ECPAS: variants seen among roughly 807,000 people sequenced by gnomAD.
ECPAS encodes Ecm29 proteasome adaptor and scaffold, also known as proteasome adapter and scaffold protein ECM29.
ECPAS carries 70 observed loss-of-function variants against 255.1 expected under a neutral mutation model. The observed-to-expected ratio is 0.27, with a 90% CI of 0.23 to 0.33. The LOEUF (loss-of-function observed/expected upper bound fraction) is 0.33. ECPAS is among the 10% of genes least tolerant of loss of function. The pLI is 1.00. For missense variants in ECPAS, 1,817 were observed against 2,206.4 expected (o/e 0.82, Z 3.54); for synonymous variants, 784 against 775.0 (o/e 1.01, Z -0.19).
At chr9:111,371,856 T>C (rs2098127717) in intron 42 of ECPAS, 27 bp from the exon 43 acceptor site, 2 of 1,567,668 alleles carry the variant, frequency 1.3e-6, no homozygotes, top group Non-Finnish European at 1.7e-6. Flanking sequence ...AAAACAACTT[T>C]TAAGTGACAA....
At chr9:111,385,465 AAT>A in intron 32 of ECPAS, 23 bp from the exon 33 acceptor site, 1 of 1,291,710 alleles carries the variant, frequency 7.7e-7, no homozygotes, top group Non-Finnish European at 1.1e-6. Flanking sequence ...ATTTCATTTC[AAT>A]ATATGATGAA....
rs753636754 is a variant in ECPAS at position 111,420,089 on chromosome 9, T to G, written c.1487A>C (p.Lys496Thr). 1.9e-6 allele frequency: 3 copies of G among 1,612,760 alleles called. No homozygotes were observed. The African/African-American group carries it at 4.0e-5, about 22-fold the overall frequency. The change falls in exon 16 of 50, where the codon AAA becomes ACA. Residue 496 changes from lysine (K) to threonine (T), a missense_variant. Physicochemically the swap from Lys to Thr is moderately conservative, Grantham distance 78 (BLOSUM62 -1). Around this residue, in one of 4 missense-constraint regions of ECPAS, gnomAD observed 573 missense variants for 716.2 expected, o/e 0.80. Transcript: ENST00000684092. ...PEVQVRQVAV[K>T]FASTVFPSDH... The stretch of plus-strand genomic sequence containing the variant: ...TGAGGGAAACACCGTACTGGCAAAT[T>G]TCACAGCCACTTGTCGAACTTGAAC...
At chr9:111,398,011 G>T (rs753932159) in intron 24 of ECPAS, among the ~76,000 whole-genome samples, 3 of 152,176 alleles carry the variant, frequency 2.0e-5, no homozygotes, top group East Asian at 1.9e-4. Context: ...ACCTAGACCT[G>T]CATTTTCCAC....
At chr9:111,378,021 C>T (rs905750585) in intron 36 of ECPAS, among the ~76,000 whole-genome samples, 1 of 152,066 alleles carries the variant, frequency 6.6e-6, no homozygotes, top group African/African-American at 2.4e-5. Context: ...TGGCGCTCAC[C>T]TGTAATCTCA....
At chr9:111,418,059 G>A in intron 16 of ECPAS, 53 bp from the exon 17 acceptor site, 2 of 1,492,562 alleles carry the variant, frequency 1.3e-6, no homozygotes, top group Non-Finnish European at 1.8e-6. Context: ...AATGGGAAAT[G>A]ATCATTTGAA....
intron 1 of ECPAS, among the ~76,000 whole-genome samples, chr9:111,483,168 C>T (rs1265296194): frequency 6.6e-6 from 1 of 152,144 alleles, no homozygotes; most frequent in African/African-American, 2.4e-5. Flanking sequence ...TGCCCGTCAC[C>T]CCGGGGCTCC....
At chr9:111,427,497 T>C (rs1156352538) in intron 10 of ECPAS, among the ~76,000 whole-genome samples, 2 of 152,150 alleles carry the variant, frequency 1.3e-5, no homozygotes, top group Non-Finnish European at 2.9e-5. Context: ...GAAGCCAATA[T>C]AGCATAGGTT....
intron 30 of ECPAS, 85 bp from the exon 31 acceptor site, chr9:111,389,808 C>A: frequency 7.3e-7 from 1 of 1,368,784 alleles, no homozygotes; most frequent in South Asian, 1.4e-5. Context: ...CAAACTTATG[C>A]CTAAATACAG....
Position 111,361,669 on chromosome 9 carries a change from C to T in ECPAS, c.*361G>A, listed in dbSNP as rs979148519. 6.3e-6 allele frequency: 1 copy of T among 158,452 alleles called. No homozygotes were observed. Among genetic ancestry groups the T allele is most frequent in the East Asian group, 1.8e-4 (1 of 5,490 alleles). The allele number at this position is 158,452 out of a possible 1,614,324, so 9.8% of individuals were successfully genotyped here. On this transcript the variant is annotated 3_prime_UTR_variant, in exon 50 of 50. Transcript: ENST00000684092. Reference sequence around the variant, plus strand: ...AAATAAGTTATTTATAGGGCCCCTTCCTGAAATAACTAATTTGAATGCAGT... The same window carrying T: ...AAATAAGTTATTTATAGGGCCCCTTTCTGAAATAACTAATTTGAATGCAGT...
At chr9:111,409,848 G>A (rs1564525170) in intron 23 of ECPAS, among the ~76,000 whole-genome samples, 193 bp downstream of exon 23, 1 of 152,070 alleles carries the variant, frequency 6.6e-6, no homozygotes, top group Non-Finnish European at 1.5e-5. Flanking sequence ...CAAAAGATGT[G>A]CACACTAAGA....
chr9:111,362,187 A>G lies in ECPAS; in HGVS notation c.5381-18T>C. ...TTTAGATTCTGCATGAAAAAAAAAA[A>G]ACAAAAACAAAAAAAACAAAAAACA... On this transcript the variant is annotated intron_variant, in intron 49 of 49. Coordinates refer to ENST00000684092, the MANE Select transcript of ECPAS (RefSeq NM_001364929.1). The G allele has an allele frequency of 6.5e-7, 1 of 1,532,896 alleles. No individual in the cohort carries two copies. 95.0% of individuals were successfully genotyped at this position (1,532,896 alleles called of 1,614,324 possible). A position where few individuals can be genotyped will look rare whatever the true frequency, so the allele number is the denominator to read the frequency against.
At chr9:111,438,045 T>C (rs778312165) in intron 6 of ECPAS, among the ~76,000 whole-genome samples, 17 of 152,312 alleles carry the variant, frequency 1.1e-4, no homozygotes, top group Non-Finnish European at 2.4e-4. Flanking sequence ...AATTCCTAAA[T>C]TTATCTATTT....
intron 19 of ECPAS, 98 bp from the exon 20 acceptor site, chr9:111,414,084 C>T: frequency 1.5e-6 from 1 of 689,068 alleles, no homozygotes. Flanking sequence ...TGCTTTAGCA[C>T]ACATTCTTTC....
At chr9:111,469,996 C>G (rs2098284988) in intron 2 of ECPAS, among the ~76,000 whole-genome samples, 2 of 152,072 alleles carry the variant, frequency 1.3e-5, no homozygotes, top group Admixed American at 1.3e-4. Flanking sequence ...GGGAGAAGAT[C>G]CATTACCAGA....
rs747199477 is a variant in ECPAS, at chr9:111,411,063, A to G, written c.2294T>C (p.Met765Thr). 15 of 1,613,758 alleles carry G rather than the reference A, an allele frequency of 9.3e-6. No individual in the cohort carries two copies. In the African/African-American group the frequency reaches 1.9e-4, roughly 20 times the overall value. The change falls in exon 22 of 50, where the codon ATG becomes ACG. Residue 765 changes from methionine (M) to threonine (T), a missense_variant. Coordinates refer to ENST00000684092, the MANE Select transcript of ECPAS (RefSeq NM_001364929.1). ...GRYLAKKKMR[M>T]SEQQDLERNA... ...TCTCTCCAGGTCTTGTTGCTCTGAC[A>G]TTCTCATTTTCTTTTTAGCCAAATA...
At chr9:111,425,381 T>C (rs772405183) in intron 12 of ECPAS, 37 bp downstream of exon 12, 16 of 1,319,748 alleles carry the variant, frequency 1.2e-5, no homozygotes, top group African/African-American at 1.5e-5. Context: ...CTTTAAGATA[T>C]AAAATGTTGA....
chr9:111,427,822 A>T (rs2098223980), intron 10 of ECPAS, among the ~76,000 whole-genome samples: 1 of 152,176 alleles, frequency 6.6e-6, no homozygotes, highest in Non-Finnish European at 1.5e-5. Flanking sequence ...AGCATTTAGG[A>T]TTTCAGATTT....
chr9:111,410,450 T>TA (rs1430187613), intron 22 of ECPAS, among the ~76,000 whole-genome samples: 1 of 151,728 alleles, frequency 6.6e-6, no homozygotes, highest in Non-Finnish European at 1.5e-5. Context: ...TCTCTGTTTA[T>TA]AAAAACATGT....
chr9:111,388,064 C>T (rs1056113123), intron 31 of ECPAS, among the ~76,000 whole-genome samples: 1 of 152,090 alleles, frequency 6.6e-6, no homozygotes, highest in Non-Finnish European at 1.5e-5. Context: ...GTAATAATGA[C>T]AAAATAATGG....
Sources: allele counts gnomAD v4.1 joint callset (sites outside exome capture counted in the v4.1 genomes callset), GRCh38; gene constraint gnomAD v4.1.1; regional missense constraint gnomAD v4.1.1; transcripts MANE v1.5; gene names NCBI Gene and HGNC (gene_info 2026-07-23, HGNC 2026-07-21).